TDRD5: variants seen among roughly 807,000 people sequenced by gnomAD.
TDRD5 encodes the protein tudor domain containing 5.
Under a neutral mutation model 120.6 loss-of-function variants are expected in TDRD5, and 41 were observed. The ratio of observed to expected loss-of-function variants is 0.34; its 90% CI spans 0.26 to 0.44. The LOEUF (loss-of-function observed/expected upper bound fraction) is 0.44, where lower values mean the gene tolerates loss of function less well. Among genes scored for constraint, TDRD5 ranks in the 20% least tolerant of loss-of-function variants. The pLI is 1.00. For synonymous variants in TDRD5, 430 were observed against 433.7 expected (o/e 0.99, Z 0.11); for missense variants, 1,006 against 1,221.2 (o/e 0.82, Z 2.63).
At chr1:179,656,877 C>G (rs907777478) in intron 14 of TDRD5, among the ~76,000 whole-genome samples, 19 of 152,120 alleles carry the variant, frequency 1.2e-4, no homozygotes, top group Non-Finnish European at 2.2e-4. Flanking sequence ...CATGGCAAAA[C>G]CCTGTCTCTA....
chr1:179,670,728 A>G (rs1679817460), intron 17 of TDRD5, among the ~76,000 whole-genome samples: 1 of 152,104 alleles, frequency 6.6e-6, no homozygotes, highest in Non-Finnish European at 1.5e-5. Flanking sequence ...GTGCCTGTTC[A>G]AGTATTTATT....
At chr1:179,592,489 C>T in intron 1 of TDRD5, 113 bp from the exon 2 acceptor site, 4 of 808,542 alleles carry the variant, frequency 4.9e-6, no homozygotes, top group Non-Finnish European at 7.8e-6. Context: ...ACTACTTCTG[C>T]CTTATTACCC....
chr1:179,618,524 A>T, intron 4 of TDRD5, 75 bp from the exon 5 acceptor site: 1 of 1,062,406 alleles, frequency 9.4e-7, no homozygotes, highest in Non-Finnish European at 1.4e-6. Context: ...TTTTCTTTAC[A>T]TATTGCTTAG....
At chr1:179,598,815 G>A (rs1675545226) in intron 4 of TDRD5, among the ~76,000 whole-genome samples, 1 of 151,926 alleles carries the variant, frequency 6.6e-6, no homozygotes, top group Non-Finnish European at 1.5e-5. Flanking sequence ...CATGCCATCT[G>A]AGAGTAAAGA....
intron 14 of TDRD5, among the ~76,000 whole-genome samples, chr1:179,655,563 A>G (rs968858725): frequency 2.0e-5 from 3 of 152,210 alleles, no homozygotes; most frequent in African/African-American, 4.8e-5. Flanking sequence ...GAACAGCTCC[A>G]TCATCTAAAA....
At chr1:179,646,769 A>G (rs1379275075) in intron 11 of TDRD5, among the ~76,000 whole-genome samples, 1 of 152,148 alleles carries the variant, frequency 6.6e-6, no homozygotes, top group Non-Finnish European at 1.5e-5. Context: ...CAGGATACAA[A>G]ATCAATGTAC....
In TDRD5 at chr1:179,639,949, G is replaced by A; in HGVS notation, c.1631G>A (p.Arg544Gln). 1 of 1,614,078 alleles carries A rather than the reference G, an allele frequency of 6.2e-7. No homozygotes were observed. Among genetic ancestry groups the A allele is most frequent in the Non-Finnish European group, 8.5e-7 (1 of 1,180,006 alleles). The change falls in exon 10 of 18, where the codon CGG becomes CAG. Residue 544 changes from arginine (R) to glutamine (Q), a missense_variant. Arg to Gln is a conservative substitution (Grantham distance 43). Coordinates refer to ENST00000444136, the MANE Select transcript of TDRD5 (RefSeq NM_001199085.3). The stretch of plus-strand genomic sequence containing the variant: ...ATTTCTGAGGATAAGTGGTGGTATC[G>A]GGTCATTATCCATCGAGTCCTTGAG... Reference protein sequence around the residue: ...VRISEDKWWYRVIIHRVLEKQ... With the variant: ...VRISEDKWWYQVIIHRVLEKQ...
In TDRD5 at chr1:179,621,188, A is replaced by G. The variant is rs191543779; in HGVS notation, c.972+97A>G. The G allele has an allele frequency of 3.9e-5, 40 of 1,025,958 alleles. 1 individual carries two copies. Among genetic ancestry groups the G allele is most frequent in the East Asian group, 1.9e-4 (7 of 36,856 alleles). The allele number at this position is 1,025,958 out of a possible 1,614,324, so 63.6% of individuals were successfully genotyped here. A position where few individuals can be genotyped will look rare whatever the true frequency, so the allele number is the denominator to read the frequency against. ...GCTACTCCTTGGATTCTCCAGGTCT[A>G]TGCTCTAAAACGGAAACATTTTGTT... is the stretch of plus-strand genomic sequence containing the variant. On this transcript the variant is annotated intron_variant, in intron 6 of 17. Coordinates refer to ENST00000444136, the MANE Select transcript of TDRD5 (RefSeq NM_001199085.3).
At chr1:179,649,779 T>C (rs1016222217) in intron 11 of TDRD5, among the ~76,000 whole-genome samples, 3 of 152,238 alleles carry the variant, frequency 2.0e-5, no homozygotes, top group African/African-American at 7.2e-5. Context: ...TTTGCCTATG[T>C]ACTGCTCGTT....
chr1:179,651,714 C>A (rs1438238351), intron 12 of TDRD5, among the ~76,000 whole-genome samples: 1 of 152,134 alleles, frequency 6.6e-6, no homozygotes, highest in East Asian at 1.9e-4. Context: ...GAGATCGAGA[C>A]CATCCTGGCT....
chr1:179,626,208 T>TATA (rs927165518), intron 6 of TDRD5, among the ~76,000 whole-genome samples: 3 of 148,520 alleles, frequency 2.0e-5, no homozygotes, highest in African/African-American at 4.9e-5. Flanking sequence ...AAACTTAAAG[T>TATA]ATAATAATAA....
At chr1:179,668,718 T>C (rs1311102998) in intron 16 of TDRD5, among the ~76,000 whole-genome samples, 1 of 151,662 alleles carries the variant, frequency 6.6e-6, no homozygotes, top group Non-Finnish European at 1.5e-5. Flanking sequence ...AAGGACTTGC[T>C]TTTTCTAGAG....
At position 179,640,061 on chromosome 1, in the gene TDRD5, A is replaced by G. The variant is rs1462944152; in HGVS notation, c.1733+10A>G. ...CCCTGAGGTTCCTCAAGTGAGTTGAATTGAATTAGAACAATGGATGAATTA... is the reference window on the plus strand; with the variant it reads ...CCCTGAGGTTCCTCAAGTGAGTTGAGTTGAATTAGAACAATGGATGAATTA... On this transcript the variant is annotated intron_variant, in intron 10 of 17. Coordinates refer to ENST00000444136, the MANE Select transcript of TDRD5 (RefSeq NM_001199085.3). 8 of 1,613,142 alleles carry G rather than the reference A, an allele frequency of 5.0e-6. No homozygotes were observed. Among genetic ancestry groups the G allele is most frequent in the Non-Finnish European group, 6.8e-6 (8 of 1,179,248 alleles).
intron 4 of TDRD5, among the ~76,000 whole-genome samples, chr1:179,613,959 C>G (rs966347873): frequency 1.3e-5 from 2 of 152,204 alleles, no homozygotes; most frequent in Non-Finnish European, 2.9e-5. Context: ...GCCAAAAGGT[C>G]TGAAGTATAT....
intron 4 of TDRD5, among the ~76,000 whole-genome samples, chr1:179,601,954 C>T (rs947648247): frequency 2.6e-5 from 4 of 152,180 alleles, no homozygotes; most frequent in Admixed American, 6.5e-5. Context: ...TACAGGCACA[C>T]GCCATCACGC....
chr1:179,659,550 CGTGTGTGT>C lies in TDRD5; in HGVS notation c.2323-2520_2323-2513del, dbSNP rs71569263. On this transcript the variant is annotated intron_variant, in intron 14 of 17. Transcript: ENST00000444136. ...ATATCAGTATAGCCATTCCAGTTTT[CGTGTGTGT>C]GTGTGTGTGTGTGTGTGTGTGTGTG... 1.2e-3 allele frequency among the ~76,000 whole-genome samples: 157 copies of C among 129,868 alleles called. 3 individuals are homozygous for C. The highest frequency in any genetic ancestry group is 2.7e-3 in the South Asian group (10 of 3,692). 85.2% of individuals were successfully genotyped at this position (129,868 alleles called of 152,430 possible). A position where few individuals can be genotyped will look rare whatever the true frequency, so the allele number is the denominator to read the frequency against.
intron 6 of TDRD5, among the ~76,000 whole-genome samples, chr1:179,623,255 G>GA (rs1676934051): frequency 1.3e-5 from 2 of 152,180 alleles, no homozygotes; most frequent in Admixed American, 1.3e-4. Flanking sequence ...AATAATGCCA[G>GA]ATTGGAACTT....
intron 1 of TDRD5, 151 bp from the exon 2 acceptor site, chr1:179,592,451 C>T: frequency 1.6e-6 from 1 of 613,832 alleles, no homozygotes; most frequent in South Asian, 2.0e-5. Flanking sequence ...CGCCCGGCCA[C>T]GCGCAAGCCG....
intron 17 of TDRD5, among the ~76,000 whole-genome samples, chr1:179,682,695 TTTTC>T (rs1475785654): frequency 2.0e-5 from 3 of 152,122 alleles, no homozygotes; most frequent in Non-Finnish European, 4.4e-5. Context: ...CCCTTTTTTT[TTTTC>T]TTTCAGTGTT....
Sources: allele counts gnomAD v4.1 joint callset (sites outside exome capture counted in the v4.1 genomes callset), GRCh38; gene constraint gnomAD v4.1.1; transcripts MANE v1.5; gene names NCBI Gene and HGNC (gene_info 2026-07-23, HGNC 2026-07-21).